The following SSPN variants were observed in gnomAD, a reference collection of about 807,000 sequenced individuals.
The protein encoded by SSPN is sarcospan.
A neutral mutation model predicts 19.1 loss-of-function variants in SSPN; 15 were observed. The observed-to-expected ratio is 0.78, with a 90% CI of 0.52 to 1.21. SSPN has a LOEUF of 1.21. SSPN is among the 50% of genes most tolerant of loss of function. The pLI, the probability that SSPN is intolerant of heterozygous loss-of-function variation, is 0.00. For missense variants in SSPN, 291 were observed against 314.0 expected, an observed-to-expected ratio of 0.93 and a Z score of 0.55; for synonymous variants, 147 against 140.3, an observed-to-expected ratio of 1.05 and a Z score of -0.34.
At chr12:26,229,793 C>G (rs148298306) in intron 2 of SSPN, among the ~76,000 whole-genome samples, 44 of 152,296 alleles carry the variant, frequency 2.9e-4, no homozygotes, top group African/African-American at 1.0e-3. Context: ...TTAAGATTAA[C>G]ATTTCTAGTA....
chr12:26,184,253 T>C (rs1352911153), intron 1 of SSPN, among the ~76,000 whole-genome samples: 2 of 152,220 alleles, frequency 1.3e-5, no homozygotes, highest in Non-Finnish European at 2.9e-5. Context: ...TGAAGTTATT[T>C]ACAACAACAT....
At chr12:26,173,192 G>A (rs540257533) in intron 1 of SSPN, among the ~76,000 whole-genome samples, 1 of 152,304 alleles carries the variant, frequency 6.6e-6, no homozygotes, top group African/African-American at 2.4e-5. Flanking sequence ...ACTTTACTCT[G>A]GGGTGTGAAC....
chr12:26,210,345 A>G (rs1306835559), intron 1 of SSPN, among the ~76,000 whole-genome samples: 2 of 152,106 alleles, frequency 1.3e-5, no homozygotes, highest in Non-Finnish European at 2.9e-5. Context: ...TAATAGAATC[A>G]AACCACTGTT....
chr12:26,216,100 T>TTAG (rs1020734304), intron 1 of SSPN, among the ~76,000 whole-genome samples: 1 of 152,164 alleles, frequency 6.6e-6, no homozygotes, highest in Non-Finnish European at 1.5e-5. Flanking sequence ...AAATGGTATA[T>TTAG]TAGTAGTAGT....
At chr12:26,137,414 T>A (rs1010817496) in intron 1 of SSPN, among the ~76,000 whole-genome samples, 1 of 152,032 alleles carries the variant, frequency 6.6e-6, no homozygotes, top group African/African-American at 2.4e-5. Flanking sequence ...GGTCTGAAAC[T>A]GTGAGCATAA....
At chr12:26,229,918 G>T (rs1035921216) in intron 2 of SSPN, among the ~76,000 whole-genome samples, 5 of 152,328 alleles carry the variant, frequency 3.3e-5, no homozygotes, top group Admixed American at 3.3e-4. Context: ...TCCCTAAATT[G>T]TTCAGAGTTC....
chr12:26,218,157 G>A (rs1401506880), intron 1 of SSPN, among the ~76,000 whole-genome samples: 7 of 147,332 alleles, frequency 4.8e-5, no homozygotes, highest in African/African-American at 1.8e-4. Context: ...ATGAGTTCAT[G>A]TCCTTTGTAG....
In SSPN at chr12:26,163,240, GA is replaced by G. The variant is rs911287011; in HGVS notation, c.-31+41089del. On this transcript the variant is annotated intron_variant, in intron 1 of 2. Transcript: ENST00000538142. ...GAGTTAAATGTGGCGTGGGGAGTAA[GA>G]CACAATGTTTTTCTTAAGAAGGCAA... Among the ~76,000 whole-genome samples the G allele has an allele frequency of 3.3e-5, 5 of 152,148 alleles. 1 individual carries two copies. Among genetic ancestry groups the G allele is most frequent in the African/African-American group, 1.2e-4 (5 of 41,440 alleles).
rs1312334308 is a variant in SSPN at position 26,232,786 on chromosome 12, G to A, written c.*1710G>A. The A allele has an allele frequency of 1.6e-5, 15 of 922,936 alleles. No homozygotes were observed. The highest frequency in any genetic ancestry group is 1.8e-5 in the Non-Finnish European group (14 of 773,064). The allele number at this position is 922,936 out of a possible 1,614,324, so 57.2% of individuals were successfully genotyped here. The stretch of plus-strand genomic sequence containing the variant: ...TAATGTTTTGATTTGCTTTAAAAAT[G>A]GCCTTCCTACACATTAGCTCCAGCT... On this transcript the variant is annotated 3_prime_UTR_variant, in exon 3 of 3. Transcript: ENST00000242729.
intron 1 of SSPN, among the ~76,000 whole-genome samples, chr12:26,140,578 C>T (rs566289567): frequency 2.9e-4 from 44 of 152,268 alleles, no homozygotes; most frequent in African/African-American, 7.5e-4. Context: ...GACTGGATCA[C>T]GAGGGTGGAT....
chr12:26,200,538 A>G (rs1222170098), intron 1 of SSPN, among the ~76,000 whole-genome samples: 2 of 152,252 alleles, frequency 1.3e-5, no homozygotes, highest in Non-Finnish European at 2.9e-5. Flanking sequence ...TTCAGAATTT[A>G]TAAGTAGGGA....
intron 1 of SSPN, among the ~76,000 whole-genome samples, chr12:26,142,439 A>C (rs1340745878): frequency 6.6e-6 from 1 of 152,136 alleles, no homozygotes; most frequent in African/African-American, 2.4e-5. Flanking sequence ...TTATTGCGTG[A>C]GTGAGAGAGA....
At chr12:26,136,276 C>G (rs1392149221) in intron 1 of SSPN, among the ~76,000 whole-genome samples, 1 of 152,168 alleles carries the variant, frequency 6.6e-6, no homozygotes, top group African/African-American at 2.4e-5. Flanking sequence ...ACCGGAGGTC[C>G]TGGTACCAAT....
upstream of SSPN, among the ~76,000 whole-genome samples, chr12:26,194,418 C>A (rs554934693): frequency 2.8e-4 from 43 of 152,230 alleles, no homozygotes; most frequent in Non-Finnish European, 5.6e-4. Context: ...AGGAGTCTTG[C>A]TCTGTCGCCC....
chr12:26,194,072 A>G (rs1944805448), upstream of SSPN, among the ~76,000 whole-genome samples: 1 of 152,210 alleles, frequency 6.6e-6, no homozygotes, highest in Admixed American at 6.5e-5. Flanking sequence ...TGGCAACATC[A>G]CTTATTTTTG....
intron 1 of SSPN, chr12:26,122,720 G>C: frequency 6.3e-7 from 1 of 1,590,720 alleles, no homozygotes; most frequent in Non-Finnish European, 8.5e-7. Flanking sequence ...GCTCCTGCTT[G>C]ATGGTGACGC....
At chr12:26,179,346 T>A (rs1944704042) in intron 1 of SSPN, among the ~76,000 whole-genome samples, 1 of 152,122 alleles carries the variant, frequency 6.6e-6, no homozygotes, top group African/African-American at 2.4e-5. Flanking sequence ...CTTTGGGCAA[T>A]GAGACTGAGC....
At chr12:26,194,696 C>T (rs956988587), upstream of SSPN, among the ~76,000 whole-genome samples, 1 of 152,144 alleles carries the variant, frequency 6.6e-6, no homozygotes, top group Non-Finnish European at 1.5e-5. Context: ...AACAAATACA[C>T]GTGAGAGGCC....
intron 2 of SSPN, among the ~76,000 whole-genome samples, chr12:26,228,512 T>G (rs1945199797): frequency 6.6e-6 from 1 of 152,152 alleles, no homozygotes; most frequent in Non-Finnish European, 1.5e-5. Flanking sequence ...GGGGCCATTC[T>G]ACTAAGCAGA....
Sources: allele counts gnomAD v4.1 joint callset (sites outside exome capture counted in the v4.1 genomes callset), GRCh38; gene constraint gnomAD v4.1.1; transcripts MANE v1.5; gene names NCBI Gene and HGNC (gene_info 2026-07-23, HGNC 2026-07-21).